SCAMP1: variants seen among roughly 807,000 people sequenced by gnomAD.
The protein encoded by SCAMP1 is secretory carrier-associated membrane protein 1.
In SCAMP1, 15 loss-of-function variants were observed where a neutral mutation model predicts 41.8. The observed-to-expected ratio is 0.36, with a 90% CI of 0.24 to 0.55. The LOEUF is 0.55. Ranked by LOEUF, SCAMP1 falls within the 20% of genes least tolerant of loss-of-function variation. SCAMP1 has a pLI of 0.86. For missense variants in SCAMP1, 341 were observed against 412.6 expected, an observed-to-expected ratio of 0.83 and a Z score of 1.50; for synonymous variants, 135 against 136.8, an observed-to-expected ratio of 0.99 and a Z score of 0.09.
At chr5:78,451,543 G>A (rs1405607613) in intron 7 of SCAMP1, among the ~76,000 whole-genome samples, 2 of 152,150 alleles carry the variant, frequency 1.3e-5, no homozygotes, top group East Asian at 3.8e-4. Flanking sequence ...ATTTCAAGAA[G>A]GTTATAGATG....
chr5:78,395,056 A>C lies in SCAMP1; in HGVS notation c.135+6142A>C, dbSNP rs556387962. Among the ~76,000 whole-genome samples the C allele has an allele frequency of 3.6e-3, 541 of 152,340 alleles. 6 individuals are homozygous for C. Among genetic ancestry groups the C allele is most frequent in the African/African-American group, 0.013 (523 of 41,584 alleles). ...GACTGGACTTATTTTCCTAAAGCAG[A>C]GGTCAGATTAGGTCATCTACCTTCC... is the stretch of plus-strand genomic sequence containing the variant. On this transcript the variant is annotated intron_variant, in intron 2 of 8. Coordinates refer to ENST00000621999, the MANE Select transcript of SCAMP1 (RefSeq NM_004866.6).
At chr5:78,361,928 G>T (rs987935378) in intron 1 of SCAMP1, among the ~76,000 whole-genome samples, 16 of 152,168 alleles carry the variant, frequency 1.1e-4, no homozygotes, top group Non-Finnish European at 2.9e-5. Context: ...TTCCAAGGAG[G>T]ATTATTTTAA....
intron 6 of SCAMP1, among the ~76,000 whole-genome samples, chr5:78,423,408 A>G (rs1034967087): frequency 3.3e-5 from 5 of 152,170 alleles, no homozygotes; most frequent in African/African-American, 9.7e-5. Context: ...CATGGCTCAC[A>G]AGGCTTTTTC....
At chr5:78,439,291 T>C (rs1173935452) in intron 6 of SCAMP1, among the ~76,000 whole-genome samples, 4 of 150,176 alleles carry the variant, frequency 2.7e-5, no homozygotes, top group Admixed American at 2.6e-4. Context: ...TGTTAATTGA[T>C]GCAGTTTCTT....
In SCAMP1 at chr5:78,460,821, CTTTCT is replaced by C. The variant is rs142804567; in HGVS notation, c.852+1461_852+1465del. Among the ~76,000 whole-genome samples, 184 of 24,720 alleles carry C rather than the reference CTTTCT, an allele frequency of 7.4e-3. 25 individuals carry two copies. The highest frequency in any genetic ancestry group is 0.029 in the African/African-American group (169 of 5,774). 16.2% of individuals were successfully genotyped at this position (24,720 alleles called of 152,430 possible). On this transcript the variant is annotated intron_variant, in intron 8 of 8. Coordinates refer to ENST00000621999, the MANE Select transcript of SCAMP1 (RefSeq NM_004866.6). ...CCTTCCTTCCTCCCTTCCTTCCTTC[CTTTCT>C]TGTCTTTCCTCTATCTGTCTCTCTT...
chr5:78,460,820 C>CTTT (rs1201206613), intron 8 of SCAMP1, among the ~76,000 whole-genome samples: 26 of 28,156 alleles, frequency 9.2e-4, no homozygotes, highest in South Asian at 3.7e-3. Context: ...TTCCTTCCTT[C>CTTT]CTTTCTTGTC....
chr5:78,381,177 C>T (rs886757094), intron 1 of SCAMP1, among the ~76,000 whole-genome samples: 1 of 152,266 alleles, frequency 6.6e-6, no homozygotes, highest in East Asian at 1.9e-4. Flanking sequence ...ATGGAGCTCT[C>T]ATAAGTGCTG....
intron 6 of SCAMP1, among the ~76,000 whole-genome samples, chr5:78,425,852 G>A (rs548296026): frequency 5.9e-5 from 9 of 152,074 alleles, no homozygotes; most frequent in Admixed American, 2.0e-4. Context: ...ATAGGTGTAC[G>A]TGTGCCATGG....
intron 7 of SCAMP1, among the ~76,000 whole-genome samples, chr5:78,452,290 C>T (rs1470218306): frequency 1.4e-5 from 2 of 145,814 alleles, no homozygotes; most frequent in Admixed American, 6.9e-5. Context: ...CCCACTAACT[C>T]GTCATCTAGC....
chr5:78,369,258 C>T (rs183800561), intron 1 of SCAMP1, among the ~76,000 whole-genome samples: 60 of 152,134 alleles, frequency 3.9e-4, no homozygotes, highest in African/African-American at 1.1e-3. Flanking sequence ...AGGCGTGCAC[C>T]GCCACACCTG....
chr5:78,388,862 G>T lies in SCAMP1; in HGVS notation c.83G>T (p.Arg28Ile), dbSNP rs2112085341. ...GATCCATCAGTTACACAAGTGACAA[G>T]AAATGTTCCACCAGGACTTGATGAA... ...FKDPSVTQVT[R>I]NVPPGLDEYN... The change falls in exon 2 of 9, where the codon AGA becomes ATA. Residue 28 changes from arginine (R) to isoleucine (I), a missense_variant. Physicochemically the swap from Arg to Ile is moderately conservative, Grantham distance 97. Coordinates refer to ENST00000621999, the MANE Select transcript of SCAMP1 (RefSeq NM_004866.6). 6.4e-7 allele frequency: 1 copy of T among 1,558,376 alleles called. No homozygotes were observed. Among genetic ancestry groups the T allele is most frequent in the East Asian group, 2.3e-5 (1 of 44,344 alleles).
chr5:78,480,069 A>G lies in SCAMP1; in HGVS notation c.*4401A>G, dbSNP rs1005866437. ...TCAAGAAAAAAAAAAAAGAATTTTC[A>G]TTAGTGCTGGCCGTGTTTCAAATGG... On this transcript the variant is annotated 3_prime_UTR_variant, in exon 9 of 9. Transcript: ENST00000621999. Among the ~76,000 whole-genome samples, 10 of 151,960 alleles carry G rather than the reference A, an allele frequency of 6.6e-5. No homozygotes were observed. Among genetic ancestry groups the G allele is most frequent in the African/African-American group, 2.4e-4 (10 of 41,416 alleles).
At chr5:78,382,426 A>G (rs894527073) in intron 1 of SCAMP1, among the ~76,000 whole-genome samples, 3 of 152,156 alleles carry the variant, frequency 2.0e-5, no homozygotes, top group African/African-American at 7.2e-5. Flanking sequence ...CAGGTTTTTA[A>G]AAAATTTCAG....
intron 5 of SCAMP1, among the ~76,000 whole-genome samples, chr5:78,421,159 T>C (rs1004737286): frequency 6.6e-6 from 1 of 152,186 alleles, no homozygotes; most frequent in Admixed American, 6.5e-5. Flanking sequence ...TTTGTCAACA[T>C]CTATTTGTGT....
rs375513799 is a variant in SCAMP1, at chr5:78,396,216, A to G, written c.135+7302A>G. On this transcript the variant is annotated intron_variant, in intron 2 of 8. Transcript: ENST00000621999. The stretch of plus-strand genomic sequence containing the variant: ...TTTGTCCAAACCCATAGAATGTACA[A>G]CACCAAGAGTGAACCCTAATGTAAA... Among the ~76,000 whole-genome samples, 60 of 152,312 alleles carry G rather than the reference A, an allele frequency of 3.9e-4. 1 individual carries two copies. The East Asian group carries it at 0.011, about 28-fold the overall frequency.
chr5:78,364,695 T>G (rs1438139951), intron 1 of SCAMP1, among the ~76,000 whole-genome samples: 1 of 152,166 alleles, frequency 6.6e-6, no homozygotes, highest in South Asian at 2.1e-4. Flanking sequence ...TAAAAAATTT[T>G]GGCTCAAGAA....
intron 2 of SCAMP1, among the ~76,000 whole-genome samples, chr5:78,391,327 A>G (rs1751493425): frequency 7.1e-6 from 1 of 141,538 alleles, no homozygotes; most frequent in Non-Finnish European, 1.5e-5. Flanking sequence ...GGCCGGGCAG[A>G]GGGGCTCCTC....
chr5:78,427,176 C>G (rs1752489450), intron 6 of SCAMP1, among the ~76,000 whole-genome samples: 1 of 152,156 alleles, frequency 6.6e-6, no homozygotes, highest in Non-Finnish European at 1.5e-5. Flanking sequence ...GATTGCTTCT[C>G]CTTATGGTGG....
At chr5:78,434,099 G>A (rs1752687334) in intron 6 of SCAMP1, among the ~76,000 whole-genome samples, 1 of 152,204 alleles carries the variant, frequency 6.6e-6, no homozygotes, top group African/African-American at 2.4e-5. Flanking sequence ...CCTGTACCCT[G>A]AATGAGGCCA....
Sources: allele counts gnomAD v4.1 joint callset (sites outside exome capture counted in the v4.1 genomes callset), GRCh38; gene constraint gnomAD v4.1.1; transcripts MANE v1.5; gene names NCBI Gene and HGNC (gene_info 2026-07-23, HGNC 2026-07-21).